ERN1: variants seen among roughly 807,000 people sequenced by gnomAD.
ERN1 encodes serine/threonine-protein kinase/endoribonuclease IRE1.
In ERN1, 39 loss-of-function variants were observed where a neutral mutation model predicts 113.1. That is an observed-to-expected ratio of 0.34 (90% CI 0.27 to 0.45). The LOEUF (loss-of-function observed/expected upper bound fraction) is 0.45, where lower values mean the gene tolerates loss of function less well. Among genes scored for constraint, ERN1 ranks in the 20% least tolerant of loss-of-function variants. The probability of loss-of-function intolerance (pLI) is 1.00; values close to 1 mark genes in which losing one functional copy is unlikely to be tolerated. For missense variants in ERN1, 976 were observed against 1,274.8 expected (o/e 0.77, Z 3.57); for synonymous variants, 507 against 515.9 (o/e 0.98, Z 0.23).
Position 64,041,789 on chromosome 17 carries a change from G to T in ERN1, c.*2199C>A, listed in dbSNP as rs541045414. On this transcript the variant is annotated 3_prime_UTR_variant, in exon 22 of 22. Transcript: ENST00000433197. ...AGTTTTGCCTGTCTTGTTCATCGCT[G>T]TATCTCCGGCACCCTATATCCTGCC... The T allele has an allele frequency of 9.8e-5, 15 of 152,338 alleles. No homozygotes were observed. The highest frequency in any genetic ancestry group is 5.9e-4 in the Admixed American group (9 of 15,298). 9.4% of individuals were successfully genotyped at this position (152,338 alleles called of 1,614,324 possible).
chr17:64,125,091 C>T (rs532709920), intron 1 of ERN1, among the ~76,000 whole-genome samples: 37 of 152,132 alleles, frequency 2.4e-4, no homozygotes, highest in African/African-American at 8.9e-4. Context: ...TAAAACCCAC[C>T]GAATTGTACA....
At chr17:64,112,540 C>A (rs1224017390) in intron 1 of ERN1, among the ~76,000 whole-genome samples, 1 of 152,108 alleles carries the variant, frequency 6.6e-6, no homozygotes, top group Non-Finnish European at 1.5e-5. Context: ...AGTGTAGTTC[C>A]TGAGCAGTAT....
In ERN1 at chr17:64,068,429, G is replaced by C. The variant is rs542941945; in HGVS notation, c.479-138C>G. ...AGTCCAGACTATCCATGTCGATAGA[G>C]AAAGGCAATGTGAGGAGAACTGAAG... On this transcript the variant is annotated intron_variant, in intron 6 of 21. Coordinates refer to ENST00000433197, the MANE Select transcript of ERN1 (RefSeq NM_001433.5). The C allele has an allele frequency of 1.8e-4, 117 of 644,112 alleles. 1 individual carries two copies. The South Asian group carries it at 2.2e-3, about 12-fold the overall frequency. 39.9% of individuals were successfully genotyped at this position (644,112 alleles called of 1,614,324 possible).
In ERN1 at chr17:64,099,516, C is replaced by T. The variant is rs140363755; in HGVS notation, c.55-1275G>A. ...TACTATCCTACAAATAGCTTTTTCC[C>T]CAGGTCTTCAATTAAAAAAAAAAAT... On this transcript the variant is annotated intron_variant, in intron 1 of 21. Transcript: ENST00000433197. 4.6e-3 allele frequency among the ~76,000 whole-genome samples: 704 copies of T among 151,654 alleles called. 4 individuals are homozygous for T. The highest frequency in any genetic ancestry group is 0.016 in the African/African-American group (666 of 41,374).
Position 64,045,276 on chromosome 17 carries a change from G to T in ERN1, c.2653+83C>A, listed in dbSNP as rs941005520. The T allele has an allele frequency of 3.9e-6, 6 of 1,539,994 alleles. No homozygotes were observed. The African/African-American group carries it at 6.8e-5, about 17-fold the overall frequency. On this transcript the variant is annotated intron_variant, in intron 20 of 21. Transcript: ENST00000433197. ...TGGGATGTGGGGCCTGAACAGCCTG[G>T]AGCGGCCATTTCCACGTTTACTTTT... is the stretch of plus-strand genomic sequence containing the variant.
intron 1 of ERN1, among the ~76,000 whole-genome samples, chr17:64,108,531 T>A (rs1323525845): frequency 6.6e-6 from 1 of 152,072 alleles, no homozygotes; most frequent in Admixed American, 6.6e-5. Context: ...CTAAGCCAAA[T>A]CCCACACTTT....
At chr17:64,119,376 GTTTTTTTTTTTTT>G (rs3044073) in intron 1 of ERN1, among the ~76,000 whole-genome samples, 5 of 77,910 alleles carry the variant, frequency 6.4e-5, no homozygotes, top group East Asian at 3.2e-4. Context: ...TTTTTTCTAG[GTTTTTTTTTTTTT>G]TTTTTTTTTT....
chr17:64,069,985 C>T (rs1913360094), intron 6 of ERN1, among the ~76,000 whole-genome samples: 1 of 152,166 alleles, frequency 6.6e-6, no homozygotes, highest in South Asian at 2.1e-4. Context: ...ATGCATGTTA[C>T]TCTTCCCATC....
chr17:64,065,001 T>C (rs1913173599), intron 9 of ERN1, among the ~76,000 whole-genome samples: 1 of 152,184 alleles, frequency 6.6e-6, no homozygotes, highest in Non-Finnish European at 1.5e-5. Context: ...AAGGGAATAA[T>C]CAGGGATTCC....
chr17:64,099,764 G>C (rs1863213944), intron 1 of ERN1, among the ~76,000 whole-genome samples: 1 of 152,182 alleles, frequency 6.6e-6, no homozygotes, highest in Non-Finnish European at 1.5e-5. Context: ...GAGGTGGCAG[G>C]ACAAATACTC....
chr17:64,091,160 T>A (rs1914077072), intron 2 of ERN1, among the ~76,000 whole-genome samples: 1 of 152,192 alleles, frequency 6.6e-6, no homozygotes, highest in Non-Finnish European at 1.5e-5. Flanking sequence ...AATTTCCCCT[T>A]CTCATGTTTC....
chr17:64,098,841 C>A (rs899905902), intron 1 of ERN1, among the ~76,000 whole-genome samples: 3 of 152,078 alleles, frequency 2.0e-5, no homozygotes, highest in Non-Finnish European at 4.4e-5. Flanking sequence ...TTAAAATGTA[C>A]CTTTTTTCTC....
chr17:64,069,779 G>C (rs1015725298), intron 6 of ERN1, among the ~76,000 whole-genome samples: 1 of 152,178 alleles, frequency 6.6e-6, no homozygotes, highest in Non-Finnish European at 1.5e-5. Flanking sequence ...CGATCAAGAG[G>C]TGCCACACTT....
At chr17:64,086,090 T>TTC (rs1351321923) in intron 2 of ERN1, among the ~76,000 whole-genome samples, 1 of 152,238 alleles carries the variant, frequency 6.6e-6, no homozygotes, top group Non-Finnish European at 1.5e-5. Flanking sequence ...TCCAAGGATC[T>TTC]TCAACTCCTC....
rs1346972708 is a variant in ERN1 at position 64,039,953 on chromosome 17, C to G, written c.*4035G>C. ...GTACAAAAAATCAGAACCAGAGTTA[C>G]TCACGGGAAATCACTGTTTCATAAA... On this transcript the variant is annotated 3_prime_UTR_variant, in exon 22 of 22. Coordinates refer to ENST00000433197, the MANE Select transcript of ERN1 (RefSeq NM_001433.5). The G allele has an allele frequency of 6.6e-6, 1 of 152,196 alleles. No homozygotes were observed. Among genetic ancestry groups the G allele is most frequent in the Non-Finnish European group, 1.5e-5 (1 of 68,040 alleles). The allele number at this position is 152,196 out of a possible 1,614,324, so 9.4% of individuals were successfully genotyped here.
Position 64,054,287 on chromosome 17 carries a change from T to C in ERN1, c.1916A>G (p.Tyr639Cys). The C allele has an allele frequency of 6.2e-7, 1 of 1,613,868 alleles. No individual in the cohort carries two copies. Among genetic ancestry groups the C allele is most frequent in the Non-Finnish European group, 8.5e-7 (1 of 1,179,816 alleles). The stretch of plus-strand genomic sequence containing the variant: ...GGCTGCACACAGCTCGATGGCAATG[T>C]ACTGGAATTGCCGGTCCTTCTCCGT... ...FCTEKDRQFQ[Y>C]IAIELCAATL... Residue 639 changes from tyrosine (Y) to cysteine (C), a missense_variant, in exon 15 of 22, where the codon TAC becomes TGC. Tyr to Cys is a radical substitution (Grantham distance 194, BLOSUM62 -2). This residue lies in a region of ERN1 where 297 missense variants were observed against 457.8 expected (regional missense o/e 0.65). Transcript: ENST00000433197. The surrounding 1 kb of genome is among the most constrained non-coding windows in gnomAD (Gnocchi z 4.9).
chr17:64,052,646 A>C, intron 17 of ERN1, 134 bp downstream of exon 17: 1 of 696,062 alleles, frequency 1.4e-6, no homozygotes, highest in East Asian at 2.7e-5. Flanking sequence ...TTCACACAGA[A>C]GCTCTTGGTG....
Position 64,045,371 on chromosome 17 carries a change from G to C in ERN1, c.2641C>G (p.Pro881Ala). The stretch of plus-strand genomic sequence containing the variant: ...GCAGCATGATCACCTGTCTGGAGGG[G>C]GACAGTGATGTTCTCCCGCCAGTCC... The part of the protein sequence containing the change: ...KMDWRENITV[P>A]LQTDLRKFRT... Residue 881 changes from proline to alanine, a missense_variant, in exon 20 of 22, where the codon CCC (proline) becomes GCC (alanine). Physicochemically the swap from Pro to Ala is conservative, Grantham distance 27. Transcript: ENST00000433197. The C allele has an allele frequency of 6.2e-7, 1 of 1,613,834 alleles. No individual in the cohort carries two copies. The highest frequency in any genetic ancestry group is 8.5e-7 in the Non-Finnish European group (1 of 1,179,866).
chr17:64,085,771 G>C (rs8075137), intron 2 of ERN1, among the ~76,000 whole-genome samples: 63,781 of 152,008 alleles, frequency 0.42, 18,093 homozygotes, highest in African/African-American at 0.81. Flanking sequence ...GAGATACCAT[G>C]ATACGTGGTA....
Sources: allele counts gnomAD v4.1 joint callset (sites outside exome capture counted in the v4.1 genomes callset), GRCh38; gene constraint gnomAD v4.1.1; regional missense constraint gnomAD v4.1.1; non-coding constraint Gnocchi (gnomAD v3.1); transcripts MANE v1.5; gene names NCBI Gene and HGNC (gene_info 2026-07-23, HGNC 2026-07-21).